SCD5: variants seen among roughly 807,000 people sequenced by gnomAD.
The protein encoded by SCD5 is acyl-CoA-desaturase 4.
Under a neutral mutation model 30.4 loss-of-function variants are expected in SCD5, and 20 were observed. That is an observed-to-expected ratio of 0.66 (90% confidence interval 0.46 to 0.96). The LOEUF (loss-of-function observed/expected upper bound fraction) is 0.96. Ranked by LOEUF, SCD5 falls within the 40% of genes least tolerant of loss-of-function variation. The probability of loss-of-function intolerance (pLI) is 0.00; values close to 1 mark genes in which losing one functional copy is unlikely to be tolerated. For synonymous variants in SCD5, 173 were observed against 176.4 expected (o/e 0.98, Z 0.16); for missense variants, 381 against 443.3 (o/e 0.86, Z 1.26).
Position 82,679,756 on chromosome 4 carries a change from A to G in SCD5, c.569+951T>C, listed in dbSNP as rs1578018150. Among the ~76,000 whole-genome samples the G allele has an allele frequency of 2.6e-5, 4 of 152,110 alleles. No homozygotes were observed. The East Asian group carries it at 7.7e-4, about 29-fold the overall frequency. On this transcript the variant is annotated intron_variant, in intron 3 of 4. Coordinates refer to ENST00000319540, the MANE Select transcript of SCD5 (RefSeq NM_001037582.3). ...GCGTAAAAGGAGAGGCTTTGGGGGG[A>G]AAGAGCACAGTCCTAAGCCATCCTT...
intron 2 of SCD5, among the ~76,000 whole-genome samples, chr4:82,704,756 G>A (rs1381441018): frequency 4.6e-5 from 7 of 152,176 alleles, no homozygotes; most frequent in African/African-American, 1.7e-4. Flanking sequence ...GGGCAACCTC[G>A]GGACTAGGTG....
chr4:82,687,315 T>C (rs949321326), intron 2 of SCD5, among the ~76,000 whole-genome samples: 2 of 152,172 alleles, frequency 1.3e-5, no homozygotes, highest in Non-Finnish European at 2.9e-5. Flanking sequence ...AGCCAAACTG[T>C]TTGCAGTGGT....
At chr4:82,680,377 T>C (rs1435023118) in intron 3 of SCD5, among the ~76,000 whole-genome samples, 1 of 152,110 alleles carries the variant, frequency 6.6e-6, no homozygotes, top group Non-Finnish European at 1.5e-5. Context: ...GCCCCCCTTC[T>C]GCTACTCCAG....
intron 1 of SCD5, among the ~76,000 whole-genome samples, chr4:82,746,951 AGGGC>A: frequency 4.3e-5 from 1 of 23,428 alleles, no homozygotes; most frequent in South Asian, 2.5e-3. Context: ...CGCAGACACA[AGGGC>A]GTCAGGGGGA....
chr4:82,699,563 GTT>G (rs1194595349), intron 2 of SCD5, among the ~76,000 whole-genome samples: 15 of 28,922 alleles, frequency 5.2e-4, no homozygotes, highest in African/African-American at 2.8e-3. Flanking sequence ...TTTGTTTTTT[GTT>G]TTTTGTTTTT....
At chr4:82,741,082 C>T (rs1023792290) in intron 1 of SCD5, among the ~76,000 whole-genome samples, 5 of 149,192 alleles carry the variant, frequency 3.4e-5, no homozygotes, top group African/African-American at 1.3e-4. Flanking sequence ...GCTGGGACTA[C>T]AGGCGTGTGC....
chr4:82,729,656 A>G (rs1720584909), intron 1 of SCD5, among the ~76,000 whole-genome samples: 1 of 152,190 alleles, frequency 6.6e-6, no homozygotes, highest in South Asian at 2.1e-4. Context: ...CTACTCCAAA[A>G]TATGCCTTTT....
chr4:82,723,151 G>T (rs2148832950), intron 1 of SCD5, among the ~76,000 whole-genome samples: 1 of 151,138 alleles, frequency 6.6e-6, no homozygotes, highest in East Asian at 1.9e-4. Context: ...ACATTACATA[G>T]TGAAGAGGTG....
chr4:82,642,043 T>TAG (rs544393361), intron 3 of SCD5, among the ~76,000 whole-genome samples: 29 of 152,162 alleles, frequency 1.9e-4, no homozygotes, highest in African/African-American at 6.5e-4. Flanking sequence ...AGATGTGCCC[T>TAG]AGAGAGAGAT....
At chr4:82,747,545 G>C (rs571759351) in intron 1 of SCD5, among the ~76,000 whole-genome samples, 2 of 152,310 alleles carry the variant, frequency 1.3e-5, no homozygotes, top group South Asian at 4.1e-4. Flanking sequence ...GGTGATAACC[G>C]TAGCTTCCTC....
intron 4 of SCD5, among the ~76,000 whole-genome samples, chr4:82,635,664 C>T (rs1263095629): frequency 6.9e-6 from 1 of 145,938 alleles, no homozygotes; most frequent in Admixed American, 6.8e-5. Flanking sequence ...TTGTTTCATA[C>T]AAGCACTGGT....
At chr4:82,679,220 AAAAGAAAGAAAG>A (rs796703848) in intron 3 of SCD5, among the ~76,000 whole-genome samples, 13 of 32,224 alleles carry the variant, frequency 4.0e-4, no homozygotes, top group African/African-American at 6.1e-4. Context: ...AAAAAGAAAG[AAAAGAAAGAAAG>A]AAAGAAAGAA....
At chr4:82,758,186 G>T (rs556597154) in intron 1 of SCD5, among the ~76,000 whole-genome samples, 12 of 152,320 alleles carry the variant, frequency 7.9e-5, no homozygotes, top group African/African-American at 2.2e-4. Context: ...CAACCAGTGG[G>T]GTGCAGTGTC....
At chr4:82,639,558 G>T (rs573888434) in intron 3 of SCD5, among the ~76,000 whole-genome samples, 1 of 152,268 alleles carries the variant, frequency 6.6e-6, no homozygotes, top group Non-Finnish European at 1.5e-5. Flanking sequence ...GTGGCCAAGG[G>T]CAATTTCCAG....
chr4:82,732,728 G>A (rs1208804175), intron 1 of SCD5, among the ~76,000 whole-genome samples: 1 of 152,178 alleles, frequency 6.6e-6, no homozygotes, highest in Non-Finnish European at 1.5e-5. Context: ...TCCTTTCACT[G>A]GTTATTGATA....
intron 1 of SCD5, among the ~76,000 whole-genome samples, chr4:82,743,542 A>AT (rs1412928442): frequency 6.6e-6 from 1 of 151,766 alleles, no homozygotes; most frequent in Non-Finnish European, 1.5e-5. Context: ...ATATTTTTTA[A>AT]TTTTTTTTAG....
At position 82,760,152 on chromosome 4, in the gene SCD5, C is replaced by T. The variant is rs79301193; in HGVS notation, c.232+38154G>A. Among the ~76,000 whole-genome samples, 940 of 152,278 alleles carry T rather than the reference C, an allele frequency of 6.2e-3. 16 individuals are homozygous for T. The highest frequency in any genetic ancestry group is 5.6e-3 in the South Asian group (27 of 4,828). ...CAGCATTATTTTGCAAGAAACCCCA[C>T]GCCTCCTTTGCTCTAAAACTTTTCT... On this transcript the variant is annotated intron_variant, in intron 1 of 4. Transcript: ENST00000319540.
At chr4:82,669,855 C>A (rs1728270324) in intron 3 of SCD5, among the ~76,000 whole-genome samples, 1 of 152,122 alleles carries the variant, frequency 6.6e-6, no homozygotes, top group Non-Finnish European at 1.5e-5. Flanking sequence ...AGAGCCTAAC[C>A]AACCTGGGGG....
At chr4:82,741,186 G>A (rs563558940) in intron 1 of SCD5, among the ~76,000 whole-genome samples, 12 of 150,458 alleles carry the variant, frequency 8.0e-5, no homozygotes, top group African/African-American at 1.5e-4. Context: ...CAATCTGCCC[G>A]CCTCAGCTCC....
Sources: allele counts gnomAD v4.1 joint callset (sites outside exome capture counted in the v4.1 genomes callset), GRCh38; gene constraint gnomAD v4.1.1; transcripts MANE v1.5; gene names NCBI Gene and HGNC (gene_info 2026-07-23, HGNC 2026-07-21).